Variants in FSD1L observed in about 807,000 individuals in gnomAD.
FSD1L encodes fibronectin type III and SPRY domain containing 1 like.
FSD1L carries 45 observed loss-of-function variants against 71.6 expected under a neutral mutation model. That is an observed-to-expected ratio of 0.63 (90% CI 0.49 to 0.81). The LOEUF (loss-of-function observed/expected upper bound fraction) is 0.81, where lower values mean the gene tolerates loss of function less well. Among genes scored for constraint, FSD1L ranks in the 30% least tolerant of loss-of-function variants. The probability of loss-of-function intolerance (pLI) is 0.00; values close to 1 mark genes in which losing one functional copy is unlikely to be tolerated. For missense variants in FSD1L, 561 were observed against 618.1 expected (o/e 0.91, Z 0.98); for synonymous variants, 197 against 207.2 (o/e 0.95, Z 0.42).
chr9:105,529,233 G>A (rs1835731171), intron 10 of FSD1L, among the ~76,000 whole-genome samples: 1 of 152,180 alleles, frequency 6.6e-6, no homozygotes, highest in South Asian at 2.1e-4. Context: ...CAAGGATCTA[G>A]AACTAGAAAT....
intron 11 of FSD1L, 53 bp from the exon 12 acceptor site, chr9:105,535,012 CTG>C (rs1226631871): frequency 2.0e-6 from 3 of 1,534,324 alleles, no homozygotes; most frequent in Admixed American, 2.0e-5. Context: ...GTAGGTAAAA[CTG>C]TGTGACTCAT....
intron 5 of FSD1L, among the ~76,000 whole-genome samples, chr9:105,475,823 C>G (rs564940073): frequency 6.6e-6 from 1 of 152,092 alleles, no homozygotes; most frequent in African/African-American, 2.4e-5. Context: ...AATGATCATG[C>G]TTTTTGAAAA....
At chr9:105,491,337 T>C (rs1431432265) in intron 7 of FSD1L, among the ~76,000 whole-genome samples, 7 of 151,858 alleles carry the variant, frequency 4.6e-5, no homozygotes, top group African/African-American at 1.5e-4. Context: ...GTGATTTTTG[T>C]ACATTGATTT....
At chr9:105,512,417 G>A (rs920561390) in intron 9 of FSD1L, among the ~76,000 whole-genome samples, 8 of 152,040 alleles carry the variant, frequency 5.3e-5, no homozygotes, top group Non-Finnish European at 1.2e-4. Flanking sequence ...TTTACACTAT[G>A]TAATTTTATC....
At chr9:105,537,547 C>T (rs777733937) in intron 12 of FSD1L, among the ~76,000 whole-genome samples, 24 of 151,746 alleles carry the variant, frequency 1.6e-4, no homozygotes, top group African/African-American at 5.3e-4. Flanking sequence ...TAGAACATAA[C>T]GTATGGCAAG....
chr9:105,448,898 A>G (rs7872832), intron 1 of FSD1L, among the ~76,000 whole-genome samples: 19,751 of 152,198 alleles, frequency 0.13, 1,654 homozygotes, highest in African/African-American at 0.24. Context: ...ATACTTTCCG[A>G]ACAGTTGAGG....
intron 7 of FSD1L, among the ~76,000 whole-genome samples, chr9:105,486,988 A>C (rs1331928030): frequency 6.6e-6 from 1 of 152,176 alleles, no homozygotes; most frequent in Non-Finnish European, 1.5e-5. Context: ...ATATCATGTG[A>C]TTAAACCTAA....
chr9:105,486,666 C>G (rs771207211), intron 7 of FSD1L, among the ~76,000 whole-genome samples: 10 of 152,066 alleles, frequency 6.6e-5, no homozygotes, highest in Admixed American at 2.0e-4. Flanking sequence ...TAGAACATTC[C>G]TAATATAATT....
upstream of FSD1L, among the ~76,000 whole-genome samples, chr9:105,444,007 T>C (rs1829588842): frequency 6.6e-6 from 1 of 152,068 alleles, no homozygotes; most frequent in Non-Finnish European, 1.5e-5. Context: ...AGGCCAGATA[T>C]AGTAGCAGGG....
intron 3 of FSD1L, among the ~76,000 whole-genome samples, chr9:105,465,539 A>AT (rs1413549157): frequency 6.6e-6 from 1 of 152,232 alleles, no homozygotes; most frequent in African/African-American, 2.4e-5. Context: ...TCAGTAGCAC[A>AT]TTAAAAAGAT....
chr9:105,483,262 A>G (rs1352941502), intron 6 of FSD1L, among the ~76,000 whole-genome samples: 1 of 152,204 alleles, frequency 6.6e-6, no homozygotes, highest in Non-Finnish European at 1.5e-5. Context: ...AATGAAGTAA[A>G]ATAACTAAAT....
rs926963076 is a variant in FSD1L, at chr9:105,455,017, C to T, written c.16-6503C>T. Among the ~76,000 whole-genome samples the T allele has an allele frequency of 3.3e-5, 5 of 152,288 alleles. No individual in the cohort carries two copies. In the South Asian group the frequency reaches 1.0e-3, roughly 32 times the overall value. ...TTCACCTTCTTGCATCACATCTGAG[C>T]ATGATACTTTTGTTAAAATAACTGG... On this transcript the variant is annotated intron_variant, in intron 1 of 13. Transcript: ENST00000481272.
At chr9:105,522,178 G>C (rs1038290791) in intron 10 of FSD1L, 49 of 1,613,828 alleles carry the variant, frequency 3.0e-5, no homozygotes, top group Non-Finnish European at 4.1e-5. Flanking sequence ...CGAGAACTTT[G>C]GGATGACTTA....
At chr9:105,488,803 A>AT (rs924215860) in intron 7 of FSD1L, among the ~76,000 whole-genome samples, 6 of 123,324 alleles carry the variant, frequency 4.9e-5, no homozygotes, top group Non-Finnish European at 8.7e-5. Context: ...TCTTTGGCCT[A>AT]TTTTTTTTAC....
At chr9:105,524,928 T>C (rs1835414627) in intron 10 of FSD1L, 2 of 1,613,928 alleles carry the variant, frequency 1.2e-6, no homozygotes, top group Non-Finnish European at 1.7e-6. Flanking sequence ...AAATATCCAG[T>C]TCTTTGTGTT....
Position 105,548,622 on chromosome 9 carries a change from T to C in FSD1L, c.*2139T>C, listed in dbSNP as rs1407353841. On this transcript the variant is annotated 3_prime_UTR_variant, in exon 14 of 14. Transcript: ENST00000481272. ...TGGAGGAGTATACATGATTCTTGTGTTCATGTTGTCATTTGAAACTCTTCA... is the reference window on the plus strand; with the variant it reads ...TGGAGGAGTATACATGATTCTTGTGCTCATGTTGTCATTTGAAACTCTTCA... The C allele has an allele frequency of 6.6e-6, 1 of 152,292 alleles. No homozygotes were observed. Among genetic ancestry groups the C allele is most frequent in the Non-Finnish European group, 1.5e-5 (1 of 67,948 alleles). The allele number at this position is 152,292 out of a possible 1,614,324, so 9.4% of individuals were successfully genotyped here.
intron 6 of FSD1L, among the ~76,000 whole-genome samples, chr9:105,483,609 A>C (rs1036621255): frequency 2.0e-5 from 3 of 152,210 alleles, no homozygotes; most frequent in Non-Finnish European, 2.9e-5. Flanking sequence ...GATTTCTTTT[A>C]ATCTTCAGTT....
chr9:105,513,474 C>T, intron 10 of FSD1L: 1 of 576,626 alleles, frequency 1.7e-6, no homozygotes, highest in Non-Finnish European at 2.9e-6. Flanking sequence ...AGATAAATGC[C>T]ATTGTGAGTT....
At chr9:105,505,154 G>T (rs1194490194) in intron 7 of FSD1L, among the ~76,000 whole-genome samples, 1 of 152,176 alleles carries the variant, frequency 6.6e-6, no homozygotes, top group Non-Finnish European at 1.5e-5. Flanking sequence ...TAATTTCACT[G>T]CCCTAAAGTT....
Sources: gnomAD v4.1 joint callset for allele counts (sites outside exome capture counted in the v4.1 genomes callset) on GRCh38, gnomAD v4.1.1 for gene constraint, MANE v1.5 for transcripts, NCBI Gene and HGNC (gene_info 2026-07-23, HGNC 2026-07-21) for gene names.